The following VEPH1 variants were observed in gnomAD, a reference collection of about 807,000 sequenced individuals.
The protein encoded by VEPH1 is ventricular zone-expressed PH domain-containing protein homolog 1.
VEPH1 carries 80 observed loss-of-function variants against 85.2 expected under a neutral mutation model. The observed-to-expected ratio is 0.94, with a 90% CI of 0.78 to 1.13. The LOEUF is 1.13. Ranked by LOEUF, VEPH1 falls within the 50% of genes most tolerant of loss-of-function variation. The pLI is 0.00. For synonymous variants in VEPH1, 297 were observed against 348.0 expected, an observed-to-expected ratio of 0.85 and a Z score of 1.63; for missense variants, 955 against 980.5, an observed-to-expected ratio of 0.97 and a Z score of 0.35.
chr3:157,358,592 A>C (rs544682744), intron 9 of VEPH1, among the ~76,000 whole-genome samples: 1 of 152,342 alleles, frequency 6.6e-6, no homozygotes, highest in African/African-American at 2.4e-5. Context: ...CAACTGGACC[A>C]GGAGGATGTG....
intron 6 of VEPH1, among the ~76,000 whole-genome samples, chr3:157,395,440 T>C (rs1560028912): frequency 6.6e-6 from 1 of 152,106 alleles, no homozygotes; most frequent in Non-Finnish European, 1.5e-5. Context: ...TGAGTGGACG[T>C]CCATGTTGCT....
At chr3:157,369,816 T>C (rs1354859645) in intron 7 of VEPH1, among the ~76,000 whole-genome samples, 1 of 152,214 alleles carries the variant, frequency 6.6e-6, no homozygotes, top group African/African-American at 2.4e-5. Context: ...CCAAGATCTT[T>C]TCCTGAGATA....
chr3:157,475,600 C>A (rs1335356830), intron 2 of VEPH1, among the ~76,000 whole-genome samples: 3 of 152,176 alleles, frequency 2.0e-5, no homozygotes, highest in Admixed American at 2.0e-4. Context: ...ACCCCTGTGT[C>A]ATCAACCACT....
At chr3:157,437,909 C>G (rs750633744) in intron 4 of VEPH1, 2 of 1,525,016 alleles carry the variant, frequency 1.3e-6, no homozygotes, top group Non-Finnish European at 1.7e-6. Context: ...AGCTGGCTGC[C>G]GGCAGGTAAG....
intron 9 of VEPH1, among the ~76,000 whole-genome samples, chr3:157,347,164 C>T (rs1427289880): frequency 6.6e-6 from 1 of 151,914 alleles, no homozygotes. Flanking sequence ...AGTTTGCTCA[C>T]CTGTTTATAA....
chr3:157,456,498 G>A (rs1310293288), intron 4 of VEPH1, among the ~76,000 whole-genome samples: 1 of 152,100 alleles, frequency 6.6e-6, no homozygotes, highest in Admixed American at 6.6e-5. Flanking sequence ...CGTTTTTATA[G>A]TTTTGGGTTT....
chr3:157,488,910 T>TTCTCTCTC (rs58292793), intron 2 of VEPH1: 6,054 of 127,524 alleles, frequency 0.047, 219 homozygotes, highest in Non-Finnish European at 0.07. Context: ...CTTAAGTTCG[T>TTCTCTCTC]TCTCTCTCTC....
intron 6 of VEPH1, among the ~76,000 whole-genome samples, chr3:157,383,006 T>A (rs1728933257): frequency 6.6e-6 from 1 of 152,078 alleles, no homozygotes; most frequent in African/African-American, 2.4e-5. Flanking sequence ...ATTTTTTATT[T>A]TTATTTTTTT....
chr3:157,315,798 G>T (rs1577322470), intron 10 of VEPH1: 2 of 149,406 alleles, frequency 1.3e-5, no homozygotes, highest in Non-Finnish European at 3.0e-5. Context: ...AAGATTTCTT[G>T]TTTTTTTTTC....
upstream of VEPH1, chr3:157,503,500 T>G (rs1458699271): frequency 6.6e-6 from 1 of 152,212 alleles, no homozygotes; most frequent in Non-Finnish European, 1.5e-5. Flanking sequence ...GAGTAACTTT[T>G]CTTCTCTCTC....
chr3:157,328,594 A>C (rs1173029939), intron 9 of VEPH1, among the ~76,000 whole-genome samples: 1 of 152,208 alleles, frequency 6.6e-6, no homozygotes, highest in Non-Finnish European at 1.5e-5. Flanking sequence ...AGAAAACCTC[A>C]TAACAATGCA....
intron 1 of VEPH1, among the ~76,000 whole-genome samples, chr3:157,497,130 AT>A (rs1739729040): frequency 6.6e-6 from 1 of 152,198 alleles, no homozygotes; most frequent in African/African-American, 2.4e-5. Context: ...CATAACCATT[AT>A]GAAATATTGA....
intron 4 of VEPH1, among the ~76,000 whole-genome samples, chr3:157,456,423 A>G (rs541768544): frequency 6.6e-6 from 1 of 152,030 alleles, no homozygotes; most frequent in East Asian, 1.9e-4. Flanking sequence ...TGCTTTTGGT[A>G]TCTTCTTCAT....
intron 1 of VEPH1, among the ~76,000 whole-genome samples, chr3:157,499,998 T>C (rs1560116234): frequency 6.6e-6 from 1 of 152,214 alleles, no homozygotes; most frequent in African/African-American, 2.4e-5. Flanking sequence ...GTAAAATTGT[T>C]GAAAGTTGAA....
intron 4 of VEPH1, among the ~76,000 whole-genome samples, chr3:157,439,579 A>G (rs1291750545): frequency 6.6e-6 from 1 of 152,238 alleles, no homozygotes; most frequent in Non-Finnish European, 1.5e-5. Context: ...CACCAAAAAT[A>G]GCCAACATGC....
chr3:157,366,074 G>A (rs866791521), intron 7 of VEPH1, among the ~76,000 whole-genome samples: 4 of 152,022 alleles, frequency 2.6e-5, no homozygotes, highest in Non-Finnish European at 2.9e-5. Flanking sequence ...GAAATCTAGG[G>A]GTCCCTGCCA....
intron 2 of VEPH1, chr3:157,493,107 G>T (rs1214031154): frequency 8.0e-6 from 3 of 374,868 alleles, no homozygotes; most frequent in Non-Finnish European, 1.6e-5. Context: ...TGATGGAGAT[G>T]CCATCAAGGT....
intron 7 of VEPH1, among the ~76,000 whole-genome samples, chr3:157,377,832 G>A (rs7618737): frequency 0.67 from 102,569 of 152,056 alleles, 34,895 homozygotes; most frequent in East Asian, 0.79. Flanking sequence ...ACAACAGTAT[G>A]AAAATGGACT....
chr3:157,415,466 A>G (rs1191879117), intron 5 of VEPH1, among the ~76,000 whole-genome samples: 1 of 152,148 alleles, frequency 6.6e-6, no homozygotes, highest in African/African-American at 2.4e-5. Context: ...GGCCTCTCTC[A>G]GCGGGACATG....
Sources: gnomAD v4.1 joint callset for allele counts (sites outside exome capture counted in the v4.1 genomes callset) on GRCh38, gnomAD v4.1.1 for gene constraint, MANE v1.5 for transcripts, NCBI Gene and HGNC (gene_info 2026-07-23, HGNC 2026-07-21) for gene names.